Variants in DHRSX observed in about 807,000 individuals in gnomAD.
DHRSX encodes the protein dehydrogenase/reductase X-linked, also known as polyprenol dehydrogenase.
In DHRSX, 31 loss-of-function variants were observed where a neutral mutation model predicts 34.0. That is an observed-to-expected ratio of 0.91 (90% confidence interval 0.69 to 1.23). The LOEUF (loss-of-function observed/expected upper bound fraction) is 1.23. Ranked by LOEUF, DHRSX falls within the 50% of genes most tolerant of loss-of-function variation. The probability of loss-of-function intolerance (pLI) is 0.00; values close to 1 mark genes in which losing one functional copy is unlikely to be tolerated. For missense variants in DHRSX, 414 were observed against 428.1 expected, an observed-to-expected ratio of 0.97 and a Z score of 0.29; for synonymous variants, 201 against 183.8, an observed-to-expected ratio of 1.09 and a Z score of -0.76.
chrX:2,464,910 A>C (rs751524253), intron 1 of DHRSX, among the ~76,000 whole-genome samples: 2 of 151,460 alleles, frequency 1.3e-5, no homozygotes, highest in African/African-American at 4.9e-5. Context: ...CACAATGAAG[A>C]TGTTCCCTAA....
At chrX:2,489,602 C>A (rs1362814356) in intron 1 of DHRSX, 1 of 1,612,660 alleles carries the variant, frequency 6.2e-7, no homozygotes, top group Non-Finnish European at 8.5e-7. Flanking sequence ...CACCAAGACC[C>A]CGGCGATGAC....
chrX:2,459,575 TATATACACACACATACA>T (rs2044372428), intron 1 of DHRSX, among the ~76,000 whole-genome samples: 1 of 114,450 alleles, frequency 8.7e-6, no homozygotes, highest in Admixed American at 8.4e-5. Flanking sequence ...TATATATATA[TATATACACACACATACA>T]ATATATATAT....
At chrX:2,497,912 A>C (rs1466809499) in intron 1 of DHRSX, among the ~76,000 whole-genome samples, 1 of 152,208 alleles carries the variant, frequency 6.6e-6, no homozygotes, top group Non-Finnish European at 1.5e-5. Context: ...CACTGATTAA[A>C]TCATCTATTT....
At chrX:2,456,160 G>A (rs1393903191) in intron 1 of DHRSX, among the ~76,000 whole-genome samples, 3 of 152,124 alleles carry the variant, frequency 2.0e-5, no homozygotes, top group East Asian at 3.8e-4. Context: ...AGAAACAAGA[G>A]ACACGACTGT....
At chrX:2,254,732 C>T (rs1456948287) in intron 5 of DHRSX, among the ~76,000 whole-genome samples, 2 of 151,534 alleles carry the variant, frequency 1.3e-5, no homozygotes, top group South Asian at 2.1e-4. Context: ...CTGCAATCTC[C>T]GCCTCCCGGA....
intron 5 of DHRSX, among the ~76,000 whole-genome samples, chrX:2,254,174 TA>T (rs2041244362): frequency 6.6e-6 from 1 of 152,240 alleles, no homozygotes; most frequent in Admixed American, 6.5e-5. Flanking sequence ...GGTGTCCTTT[TA>T]TATGGATCAA....
intron 1 of DHRSX, among the ~76,000 whole-genome samples, chrX:2,452,428 A>G (rs962444391): frequency 1.3e-5 from 2 of 151,944 alleles, no homozygotes; most frequent in African/African-American, 4.8e-5. Context: ...TACACATTGA[A>G]GACATTCCCT....
At chrX:2,411,096 A>G (rs1342252795) in intron 2 of DHRSX, among the ~76,000 whole-genome samples, 1 of 152,132 alleles carries the variant, frequency 6.6e-6, no homozygotes, top group African/African-American at 2.4e-5. Flanking sequence ...TCAAACACAA[A>G]ACAAAAAAAG....
chrX:2,355,503 AC>A (rs1414688221), intron 3 of DHRSX, among the ~76,000 whole-genome samples: 1 of 112,756 alleles, frequency 8.9e-6, no homozygotes, highest in Non-Finnish European at 1.7e-5. Context: ...CAAGAGCGAG[AC>A]CCCATCTAAA....
chrX:2,496,854 A>G (rs2045297653), intron 1 of DHRSX, among the ~76,000 whole-genome samples: 1 of 149,118 alleles, frequency 6.7e-6, no homozygotes, highest in South Asian at 2.1e-4. Flanking sequence ...TTTTATATTT[A>G]TAGAAAAGTA....
At chrX:2,326,477 C>A (rs2042387765) in intron 3 of DHRSX, among the ~76,000 whole-genome samples, 1 of 152,042 alleles carries the variant, frequency 6.6e-6, no homozygotes, top group South Asian at 2.1e-4. Flanking sequence ...GAGCCCAGAT[C>A]GCACCACTGC....
chrX:2,367,166 G>A lies in DHRSX; in HGVS notation c.286+41579C>T, dbSNP rs914451548. The stretch of plus-strand genomic sequence containing the variant: ...AAATACAGAGAGATGCTAGCCGGGC[G>A]CAGTGGCTCACACCTATAATCCCAG... On this transcript the variant is annotated intron_variant, in intron 3 of 6. Transcript: ENST00000334651. Among the ~76,000 whole-genome samples, 112 of 152,100 alleles carry A rather than the reference G, an allele frequency of 7.4e-4. 1 individual carries two copies. The highest frequency in any genetic ancestry group is 1.4e-3 in the Non-Finnish European group (97 of 68,036).
Position 2,230,958 on chromosome X carries a change from C to G in DHRSX, c.805-9729G>C, listed in dbSNP as rs1220680310. The stretch of plus-strand genomic sequence containing the variant: ...TTGAACGGTCTCAATGGCAGAGAGT[C>G]TGGGCATTCTGAAACCAGGAAGAAA... On this transcript the variant is annotated intron_variant, in intron 6 of 6. Transcript: ENST00000334651. Among the ~76,000 whole-genome samples the G allele has an allele frequency of 2.0e-5, 3 of 152,168 alleles. No individual in the cohort carries two copies. In the South Asian group the frequency reaches 6.2e-4, roughly 32 times the overall value.
intron 1 of DHRSX, among the ~76,000 whole-genome samples, chrX:2,497,085 GAA>G (rs2045304466): frequency 6.6e-6 from 1 of 151,554 alleles, no homozygotes. Flanking sequence ...CATTTTTTTT[GAA>G]AGAGATTCTA....
At chrX:2,283,551 G>C (rs918353250) in intron 4 of DHRSX, among the ~76,000 whole-genome samples, 29 of 152,130 alleles carry the variant, frequency 1.9e-4, no homozygotes, top group African/African-American at 7.0e-4. Flanking sequence ...CGCCCACAAA[G>C]ACAGGAGATG....
intron 3 of DHRSX, among the ~76,000 whole-genome samples, chrX:2,372,988 T>C (rs770969084): frequency 1.1e-4 from 16 of 152,272 alleles, no homozygotes; most frequent in African/African-American, 2.9e-4. Context: ...ACGCTGCTGA[T>C]AGACATACCC....
At chrX:2,328,479 A>T (rs1390817251) in intron 3 of DHRSX, among the ~76,000 whole-genome samples, 1 of 151,556 alleles carries the variant, frequency 6.6e-6, no homozygotes, top group Admixed American at 6.6e-5. Flanking sequence ...CTGTGAGAGA[A>T]TCAATGTCTG....
chrX:2,326,658 G>A (rs867899659), intron 3 of DHRSX, among the ~76,000 whole-genome samples: 30 of 152,210 alleles, frequency 2.0e-4, no homozygotes, highest in Middle Eastern at 6.8e-3. Flanking sequence ...TGTGTTATTG[G>A]GGGAAAGTAA....
At chrX:2,499,751 A>C (rs1177639963) in intron 1 of DHRSX, among the ~76,000 whole-genome samples, 1 of 152,104 alleles carries the variant, frequency 6.6e-6, no homozygotes, top group East Asian at 1.9e-4. Context: ...TACACAAAAA[A>C]ATTAAAACAT....
Sources: allele counts gnomAD v4.1 joint callset (sites outside exome capture counted in the v4.1 genomes callset), GRCh38; gene constraint gnomAD v4.1.1; transcripts MANE v1.5; gene names NCBI Gene and HGNC (gene_info 2026-07-23, HGNC 2026-07-21).